Variants in STXBP4 observed in about 807,000 individuals in gnomAD.
The protein encoded by STXBP4 is syntaxin-binding protein 4.
A neutral mutation model predicts 76.1 loss-of-function variants in STXBP4; 55 were observed. That is an observed-to-expected ratio of 0.72 (90% CI 0.58 to 0.91). The LOEUF (loss-of-function observed/expected upper bound fraction) is 0.91. Among genes scored for constraint, STXBP4 ranks in the 40% least tolerant of loss-of-function variants. The pLI, the probability that STXBP4 is intolerant of heterozygous loss-of-function variation, is 0.00. For synonymous variants in STXBP4, 201 were observed against 220.2 expected, an observed-to-expected ratio of 0.91 and a Z score of 0.77; for missense variants, 618 against 636.9, an observed-to-expected ratio of 0.97 and a Z score of 0.32.
intron 3 of STXBP4, among the ~76,000 whole-genome samples, chr17:54,990,382 G>A (rs1224563232): frequency 6.6e-6 from 1 of 152,046 alleles, no homozygotes; most frequent in Non-Finnish European, 1.5e-5. Flanking sequence ...ATGCTCATAG[G>A]AGCATGAACC....
At chr17:55,102,651 A>C (rs1418586905) in intron 16 of STXBP4, among the ~76,000 whole-genome samples, 1 of 152,130 alleles carries the variant, frequency 6.6e-6, no homozygotes, top group Non-Finnish European at 1.5e-5. Context: ...CAGTAATGGG[A>C]TTGCTGGGTC....
chr17:55,201,635 G>A, the STXBP4 span, among the ~76,000 whole-genome samples: 1 of 152,118 alleles, frequency 6.6e-6, no homozygotes, highest in African/African-American at 2.4e-5. Context: ...ATACATTCCA[G>A]GAAAGAAGTC....
chr17:55,072,317 CAT>C (rs1479083138), intron 12 of STXBP4, among the ~76,000 whole-genome samples: 3 of 152,222 alleles, frequency 2.0e-5, no homozygotes, highest in Admixed American at 6.5e-5. Flanking sequence ...TGAGACATAA[CAT>C]GTGTTTAATA....
rs772964021 is a variant in STXBP4 at position 55,161,159 on chromosome 17, A to T, written c.*1248A>T. On this transcript the variant is annotated 3_prime_UTR_variant, in exon 18 of 18. Transcript: ENST00000376352. ...TACTGAATTTCATATGGTGTATAAT[A>T]CAGATTTATATGGTAAAGATATACA... 2 of 152,236 alleles carry T rather than the reference A, an allele frequency of 1.3e-5. No individual in the cohort carries two copies. Among genetic ancestry groups the T allele is most frequent in the Non-Finnish European group, 2.9e-5 (2 of 68,036 alleles). 9.4% of individuals were successfully genotyped at this position (152,236 alleles called of 1,614,324 possible). A position where few individuals can be genotyped will look rare whatever the true frequency, so the allele number is the denominator to read the frequency against.
downstream of STXBP4, among the ~76,000 whole-genome samples, chr17:55,175,053 A>C (rs1482585680): frequency 2.0e-5 from 3 of 152,098 alleles, no homozygotes; most frequent in Non-Finnish European, 4.4e-5. Context: ...TGGCATCTGC[A>C]ACTCCTTTCA....
At chr17:54,987,596 C>T (rs1404043058) in intron 3 of STXBP4, among the ~76,000 whole-genome samples, 1 of 152,100 alleles carries the variant, frequency 6.6e-6, no homozygotes, top group African/African-American at 2.4e-5. Context: ...ATGGTTTATT[C>T]AGCCACTATA....
intron 12 of STXBP4, among the ~76,000 whole-genome samples, chr17:55,048,531 CAA>C (rs1047920301): frequency 6.6e-6 from 1 of 151,710 alleles, no homozygotes; most frequent in Non-Finnish European, 1.5e-5. Flanking sequence ...ACTCCATACT[CAA>C]GGGAATTTCC....
the STXBP4 span, among the ~76,000 whole-genome samples, chr17:55,202,072 A>G: frequency 0.57 from 85,421 of 150,034 alleles, 25,287 homozygotes; most frequent in Non-Finnish European, 0.65. Context: ...TTTGTTCAAT[A>G]TAGTCAAGAC....
At chr17:55,145,995 T>G (rs1348498206) in intron 17 of STXBP4, among the ~76,000 whole-genome samples, 2 of 152,160 alleles carry the variant, frequency 1.3e-5, no homozygotes, top group Non-Finnish European at 2.9e-5. Context: ...CTACCCAACT[T>G]CTTATCTTTT....
chr17:55,120,285 G>C (rs181550923), intron 16 of STXBP4, among the ~76,000 whole-genome samples: 1 of 152,278 alleles, frequency 6.6e-6, no homozygotes, highest in Non-Finnish European at 1.5e-5. Flanking sequence ...ATATTTAATA[G>C]TCAAATTGTC....
intron 9 of STXBP4, 143 bp downstream of exon 9, chr17:55,031,407 C>T (rs565632657): frequency 3.2e-6 from 2 of 623,808 alleles, no homozygotes; most frequent in Non-Finnish European, 5.3e-6. Context: ...TTAATCAGTA[C>T]CCAAAGAACT....
the STXBP4 span, among the ~76,000 whole-genome samples, chr17:55,193,748 C>T: frequency 6.6e-6 from 1 of 150,828 alleles, no homozygotes; most frequent in African/African-American, 2.4e-5. Context: ...GGTTTTGGAA[C>T]CCTCCATCAT....
At chr17:55,107,647 C>T (rs573313963) in intron 16 of STXBP4, among the ~76,000 whole-genome samples, 75 of 152,254 alleles carry the variant, frequency 4.9e-4, no homozygotes, top group Non-Finnish European at 7.8e-4. Flanking sequence ...CCTTTCTGTT[C>T]GTTAGTTTTC....
At chr17:55,046,329 C>T (rs1177286021) in intron 11 of STXBP4, among the ~76,000 whole-genome samples, 1 of 151,854 alleles carries the variant, frequency 6.6e-6, no homozygotes. Flanking sequence ...CAAGAATAAG[C>T]TGAAATATAC....
chr17:55,211,796 G>GTTTTTTTTT, the STXBP4 span, among the ~76,000 whole-genome samples: 4 of 34,994 alleles, frequency 1.1e-4, no homozygotes, highest in Admixed American at 6.1e-4. Context: ...CCTGTTTTTT[G>GTTTTTTTTT]TTGTTTTTTT....
chr17:55,151,791 T>C (rs887486482), intron 17 of STXBP4, among the ~76,000 whole-genome samples: 2 of 152,230 alleles, frequency 1.3e-5, no homozygotes, highest in Non-Finnish European at 2.9e-5. Context: ...TAGTATTTGC[T>C]TGATGTAAAT....
At chr17:55,065,002 C>T (rs1044342491) in intron 12 of STXBP4, among the ~76,000 whole-genome samples, 11 of 151,994 alleles carry the variant, frequency 7.2e-5, no homozygotes, top group Admixed American at 7.2e-4. Flanking sequence ...CACTGTTTTT[C>T]CAAATAGTTG....
rs1273949812 is a variant in STXBP4, at chr17:55,170,477, TTATTA to T, written c.*10571_*10575del. 2.0e-5 allele frequency: 3 copies of T among 152,204 alleles called. No homozygotes were observed. Among genetic ancestry groups the T allele is most frequent in the African/African-American group, 7.2e-5 (3 of 41,454 alleles). 9.4% of individuals were successfully genotyped at this position (152,204 alleles called of 1,614,324 possible). ...ACATTATTTGTGATATCTATTTTAT[TTATTA>T]TATTTTTCTGCATACTACTCTACAG... is the stretch of plus-strand genomic sequence containing the variant. On this transcript the variant is annotated 3_prime_UTR_variant, in exon 18 of 18. Coordinates refer to ENST00000376352, the MANE Select transcript of STXBP4 (RefSeq NM_178509.6).
At chr17:55,185,826 G>T in the STXBP4 span, among the ~76,000 whole-genome samples, 2 of 152,164 alleles carry the variant, frequency 1.3e-5, no homozygotes, top group African/African-American at 2.4e-5. Flanking sequence ...CCTTACAGGA[G>T]GTCATAATCT....
Sources: allele counts gnomAD v4.1 joint callset (sites outside exome capture counted in the v4.1 genomes callset), GRCh38; gene constraint gnomAD v4.1.1; transcripts MANE v1.5; gene names NCBI Gene and HGNC (gene_info 2026-07-23, HGNC 2026-07-21).